ANK2: variants seen among roughly 807,000 people sequenced by gnomAD.
ANK2 encodes the protein ankyrin 2, also known as ankyrin-2.
In ANK2, 83 loss-of-function variants were observed where a neutral mutation model predicts 360.5. The ratio of observed to expected loss-of-function variants is 0.23; its 90% CI spans 0.19 to 0.28. The LOEUF (loss-of-function observed/expected upper bound fraction) is 0.28. Among genes scored for constraint, ANK2 ranks in the 10% least tolerant of loss-of-function variants. The probability of loss-of-function intolerance (pLI) is 1.00; values close to 1 mark genes in which losing one functional copy is unlikely to be tolerated. For missense variants in ANK2, 4,201 were observed against 4,795.7 expected (o/e 0.88, Z 3.66); for synonymous variants, 1,740 against 1,759.5 (o/e 0.99, Z 0.28).
At chr4:112,957,543 C>A (rs933246903) in intron 2 of ANK2, among the ~76,000 whole-genome samples, 2 of 152,110 alleles carry the variant, frequency 1.3e-5, no homozygotes, top group South Asian at 2.1e-4. Context: ...ACCTCCCAGA[C>A]GGGGTGGTGG....
chr4:112,946,439 A>G (rs1333757078), intron 2 of ANK2, among the ~76,000 whole-genome samples: 7 of 152,314 alleles, frequency 4.6e-5, no homozygotes, highest in African/African-American at 1.7e-4. Flanking sequence ...AAGACTGTCT[A>G]TAATTTGATT....
At chr4:112,741,342 C>T in the ANK2 span, among the ~76,000 whole-genome samples, 1 of 152,174 alleles carries the variant, frequency 6.6e-6, no homozygotes, top group Non-Finnish European at 1.5e-5. Flanking sequence ...GGCTTCTTTC[C>T]AGCAAGCCCA....
rs1158530849 is a variant in ANK2, at chr4:113,163,764, C to CAAAAAAAAAAAAAAAAAAAAA, written c.85-10644_85-10624dup. Among the ~76,000 whole-genome samples, 64 of 55,032 alleles carry CAAAAAAAAAAAAAAAAAAAAA rather than the reference C, an allele frequency of 1.2e-3. 1 individual carries two copies. Among genetic ancestry groups the CAAAAAAAAAAAAAAAAAAAAA allele is most frequent in the African/African-American group, 1.9e-3 (34 of 17,732 alleles). The allele number at this position is 55,032 out of a possible 152,430, so 36.1% of individuals were successfully genotyped here. On this transcript the variant is annotated intron_variant, in intron 1 of 45. Coordinates refer to ENST00000357077, the MANE Select transcript of ANK2 (RefSeq NM_001148.6). Reference sequence around the variant, plus strand: ...GGGCAACAAGAGTGAAACTTCGTCTCAAAAAAAAAAAAAAAAAAAAAAAAA... The same window carrying CAAAAAAAAAAAAAAAAAAAAA: ...GGGCAACAAGAGTGAAACTTCGTCTCAAAAAAAAAAAAAAAAAAAAAAAAAAAAAAAAAAAAAAAAAAAAAA...
the ANK2 span, among the ~76,000 whole-genome samples, chr4:112,764,420 C>T: frequency 3.9e-5 from 6 of 151,998 alleles, no homozygotes; most frequent in African/African-American, 1.5e-4. Flanking sequence ...ATTGCAACCT[C>T]TGCCTCCTGG....
chr4:113,356,141 G>A lies in ANK2; in HGVS notation c.7523G>A (p.Arg2508Gln), dbSNP rs781486011. ...ACGGAAGTGGCCTCTGTGCGGTCCC[G>A]GCTACTCCGAGACCCTGATGGCAGT... ...LLTEVASVRS[R>Q]LLRDPDGSAE... Residue 2508 changes from arginine to glutamine, a missense_variant, in exon 38 of 46, where the codon CGG becomes CAG. This residue lies in a region of ANK2 where 2,642 missense variants were observed against 2,714.5 expected (regional missense o/e 0.97). Coordinates refer to ENST00000357077, the MANE Select transcript of ANK2 (RefSeq NM_001148.6). 1.1e-5 allele frequency: 18 copies of A among 1,613,912 alleles called. No homozygotes were observed. Among genetic ancestry groups the A allele is most frequent in the East Asian group, 2.2e-5 (1 of 44,884 alleles).
At chr4:113,019,464 G>T (rs59128625) in intron 2 of ANK2, among the ~76,000 whole-genome samples, 1 of 150,360 alleles carries the variant, frequency 6.7e-6, no homozygotes, top group Non-Finnish European at 1.5e-5. Flanking sequence ...CACACACAAA[G>T]TATTCCAGAA....
intron 20 of ANK2, among the ~76,000 whole-genome samples, chr4:113,290,444 T>C (rs1158113687): frequency 6.6e-6 from 1 of 152,166 alleles, no homozygotes; most frequent in Non-Finnish European, 1.5e-5. Context: ...GTATAAAAGA[T>C]TTGGCAAAAT....
At chr4:113,341,291 T>C (rs956479876) in intron 32 of ANK2, among the ~76,000 whole-genome samples, 3 of 152,022 alleles carry the variant, frequency 2.0e-5, no homozygotes, top group Non-Finnish European at 4.4e-5. Context: ...TCAAGGAAAA[T>C]AGAAAACTAT....
chr4:112,946,186 C>T (rs952950727), intron 2 of ANK2, among the ~76,000 whole-genome samples: 10 of 151,996 alleles, frequency 6.6e-5, no homozygotes, highest in African/African-American at 1.7e-4. Flanking sequence ...GCTTGTTGAG[C>T]GGGAGACAGG....
Position 113,355,264 on chromosome 4 carries a change from G to A in ANK2, c.6646G>A (p.Gly2216Ser). Residue 2216 changes from glycine (G) to serine (S), a missense_variant, in exon 38 of 46, where the codon GGC becomes AGC. Gly to Ser is a moderately conservative substitution (Grantham distance 56). This residue lies in a region of ANK2 where 2,642 missense variants were observed against 2,714.5 expected (regional missense o/e 0.97). Transcript: ENST00000357077. ...KNEGVAGSPCGSLMEGTPQIS... is the reference protein window; with the variant it reads ...KNEGVAGSPCSSLMEGTPQIS... ...TGAGGGGGTAGCCGGCTCTCCGTGTGGCAGCCTGATGGAGGGGACCCCTCA... is the reference window on the plus strand; with the variant it reads ...TGAGGGGGTAGCCGGCTCTCCGTGTAGCAGCCTGATGGAGGGGACCCCTCA... The A allele has an allele frequency of 6.2e-7, 1 of 1,614,044 alleles. No individual in the cohort carries two copies. Among genetic ancestry groups the A allele is most frequent in the East Asian group, 2.2e-5 (1 of 44,878 alleles).
intron 1 of ANK2, among the ~76,000 whole-genome samples, chr4:113,068,446 AC>A (rs918427573): frequency 1.1e-4 from 17 of 152,312 alleles, no homozygotes; most frequent in African/African-American, 3.8e-4. Flanking sequence ...CACATCCCAT[AC>A]AAACTTTGGA....
At chr4:112,851,521 A>C (rs1048937005) in intron 1 of ANK2, among the ~76,000 whole-genome samples, 3 of 152,164 alleles carry the variant, frequency 2.0e-5, no homozygotes, top group African/African-American at 7.2e-5. Context: ...CCTCAAAGCT[A>C]CTTTCTTCTC....
intron 1 of ANK2, among the ~76,000 whole-genome samples, chr4:113,171,161 G>A (rs399754): frequency 0.69 from 105,363 of 152,070 alleles, 37,274 homozygotes; most frequent in African/African-American, 0.83. Flanking sequence ...CTTGATTTTA[G>A]AACTCTTGCT....
At chr4:113,308,260 C>G (rs1035044549) in intron 23 of ANK2, among the ~76,000 whole-genome samples, 2 of 152,164 alleles carry the variant, frequency 1.3e-5, no homozygotes, top group African/African-American at 2.4e-5. Context: ...AGGAAGTAGT[C>G]GTGCTATTTG....
At chr4:112,753,132 G>T in the ANK2 span, among the ~76,000 whole-genome samples, 1 of 152,206 alleles carries the variant, frequency 6.6e-6, no homozygotes, top group Non-Finnish European at 1.5e-5. Context: ...CCTTCAGAGA[G>T]CACATTGGTG....
intron 1 of ANK2, among the ~76,000 whole-genome samples, chr4:112,847,584 A>G (rs1324030370): frequency 3.3e-5 from 5 of 152,170 alleles, no homozygotes; most frequent in Admixed American, 2.6e-4. Flanking sequence ...TTTCTAAAGT[A>G]CATATGGGAT....
intron 1 of ANK2, chr4:112,827,133 T>C: frequency 9.2e-7 from 1 of 1,088,240 alleles, no homozygotes. Flanking sequence ...TTGCTCAGCA[T>C]TGAATGACTA....
intron 1 of ANK2, among the ~76,000 whole-genome samples, chr4:112,819,794 C>A (rs2056469519): frequency 6.6e-6 from 1 of 152,140 alleles, no homozygotes; most frequent in Admixed American, 6.5e-5. Context: ...TTGAGTGAAG[C>A]TATATTCATC....
chr4:112,714,138 C>T, the ANK2 span, among the ~76,000 whole-genome samples: 2 of 152,148 alleles, frequency 1.3e-5, no homozygotes, highest in East Asian at 1.9e-4. Context: ...TCCCTAATGA[C>T]TAATGATGTT....
Sources: gnomAD v4.1 joint callset for allele counts (sites outside exome capture counted in the v4.1 genomes callset) on GRCh38, gnomAD v4.1.1 for gene constraint, gnomAD v4.1.1 regional missense constraint, MANE v1.5 for transcripts, NCBI Gene and HGNC (gene_info 2026-07-23, HGNC 2026-07-21) for gene names.